LARS2: variants seen among roughly 807,000 people sequenced by gnomAD.
LARS2 encodes leucyl-tRNA synthetase 2, mitochondrial.
A neutral mutation model predicts 116.6 loss-of-function variants in LARS2; 81 were observed. That is an observed-to-expected ratio of 0.69 (90% CI 0.58 to 0.84). The LOEUF is 0.84. Among genes scored for constraint, LARS2 ranks in the 40% least tolerant of loss-of-function variants. The probability of loss-of-function intolerance (pLI) is 0.00; values close to 1 mark genes in which losing one functional copy is unlikely to be tolerated. For synonymous variants in LARS2, 396 were observed against 407.2 expected (o/e 0.97, Z 0.33); for missense variants, 968 against 1,114.5 (o/e 0.87, Z 1.87).
At chr3:45,460,081 A>G (rs1699289018) in intron 8 of LARS2, among the ~76,000 whole-genome samples, 1 of 152,254 alleles carries the variant, frequency 6.6e-6, no homozygotes, top group East Asian at 1.9e-4. Flanking sequence ...CCAACTCACA[A>G]TACCAATGCC....
At chr3:45,463,959 G>A (rs1699378719) in intron 8 of LARS2, among the ~76,000 whole-genome samples, 1 of 152,168 alleles carries the variant, frequency 6.6e-6, no homozygotes, top group South Asian at 2.1e-4. Flanking sequence ...CCCTCCAGAT[G>A]TGCAGGAAAC....
At chr3:45,435,317 C>T (rs1698780542) in intron 6 of LARS2, among the ~76,000 whole-genome samples, 1 of 152,228 alleles carries the variant, frequency 6.6e-6, no homozygotes, top group East Asian at 1.9e-4. Context: ...TTCACTAACG[C>T]CCAATAGGGC....
At chr3:45,397,656 T>C (rs1575227715) in intron 3 of LARS2, among the ~76,000 whole-genome samples, 2 of 152,180 alleles carry the variant, frequency 1.3e-5, no homozygotes, top group Admixed American at 1.3e-4. Context: ...TAGAAACAGC[T>C]TAGATCAAGG....
Position 45,431,383 on chromosome 3 carries a change from A to G in LARS2, c.516+11654A>G, listed in dbSNP as rs533546162. ...TAAAAAAATTATTAACCTAAAAGCT[A>G]TTCTTGCAACTTTGGTTTGAAACTC... On this transcript the variant is annotated intron_variant, in intron 6 of 21. Transcript: ENST00000645846. Among the ~76,000 whole-genome samples the G allele has an allele frequency of 6.6e-5, 10 of 152,352 alleles. No homozygotes were observed. In the South Asian group the frequency reaches 1.9e-3, roughly 28 times the overall value.
At chr3:45,419,755 G>A (rs748743026) in intron 6 of LARS2, 26 bp downstream of exon 6, 1 of 1,593,726 alleles carries the variant, frequency 6.3e-7, no homozygotes, top group Non-Finnish European at 8.6e-7. Flanking sequence ...TTCCTGAAAG[G>A]TCGTCATTTT....
At chr3:45,432,069 G>C (rs1222409680) in intron 6 of LARS2, among the ~76,000 whole-genome samples, 1 of 152,144 alleles carries the variant, frequency 6.6e-6, no homozygotes, top group East Asian at 1.9e-4. Flanking sequence ...AAAAGACAAA[G>C]AAGAGCATTA....
intron 4 of LARS2, among the ~76,000 whole-genome samples, chr3:45,411,451 T>C (rs1698330006): frequency 6.6e-6 from 1 of 152,212 alleles, no homozygotes. Flanking sequence ...AGGTAAGGAT[T>C]AGGCAGCTTT....
intron 8 of LARS2, among the ~76,000 whole-genome samples, chr3:45,470,911 T>C (rs2125716339): frequency 6.6e-6 from 1 of 151,910 alleles, no homozygotes; most frequent in African/African-American, 2.4e-5. Flanking sequence ...TCCCAGGTTT[T>C]TGGATTCTGT....
At chr3:45,461,551 C>A (rs2125711628) in intron 8 of LARS2, among the ~76,000 whole-genome samples, 1 of 152,092 alleles carries the variant, frequency 6.6e-6, no homozygotes, top group East Asian at 1.9e-4. Context: ...CCATAGGAAA[C>A]CACTAAAGGA....
intron 2 of LARS2, 141 bp from the exon 3 acceptor site, chr3:45,394,292 A>G: frequency 1.7e-6 from 1 of 599,936 alleles, no homozygotes; most frequent in Non-Finnish European, 3.0e-6. Context: ...TTGAATTGCT[A>G]AAGTATTCTT....
intron 13 of LARS2, 140 bp downstream of exon 13, chr3:45,491,940 T>C (rs1221590783): frequency 3.8e-6 from 3 of 796,426 alleles, no homozygotes; most frequent in Non-Finnish European, 5.9e-6. Flanking sequence ...ACACTGTGGG[T>C]CTTTGGGGCC....
intron 8 of LARS2, among the ~76,000 whole-genome samples, chr3:45,468,303 C>A (rs1434061633): frequency 6.6e-6 from 1 of 151,998 alleles, no homozygotes; most frequent in Non-Finnish European, 1.5e-5. Flanking sequence ...TGGCTGTTAC[C>A]ATTTTGTTTT....
chr3:45,523,309 C>T (rs1003024809), intron 19 of LARS2, among the ~76,000 whole-genome samples: 2 of 152,158 alleles, frequency 1.3e-5, no homozygotes, highest in Non-Finnish European at 2.9e-5. Context: ...CACAGTTTAA[C>T]ACCTTTGAGC....
chr3:45,531,936 G>A (rs965898247), intron 20 of LARS2, among the ~76,000 whole-genome samples: 1 of 152,096 alleles, frequency 6.6e-6, no homozygotes. Context: ...TTATTCCAAT[G>A]GCATATAATT....
intron 6 of LARS2, chr3:45,422,013 C>T (rs570569240): frequency 9.2e-5 from 14 of 152,178 alleles, no homozygotes; most frequent in African/African-American, 3.1e-4. Context: ...ACTGTAAAGT[C>T]GAAAAATTGT....
At position 45,548,991 on chromosome 3, in the gene LARS2, G is replaced by C. The variant is rs951807827; in HGVS notation, c.*1461G>C. ...AAGTGGGATACATGTGGTTCTTCTTGTTCCAGAACTTACAGTCCATGGTAG... is the reference window on the plus strand; with the variant it reads ...AAGTGGGATACATGTGGTTCTTCTTCTTCCAGAACTTACAGTCCATGGTAG... On this transcript the variant is annotated 3_prime_UTR_variant, in exon 22 of 22. Coordinates refer to ENST00000645846, the MANE Select transcript of LARS2 (RefSeq NM_015340.4). 1 of 152,164 alleles carries C rather than the reference G, an allele frequency of 6.6e-6. No individual in the cohort carries two copies. Among genetic ancestry groups the C allele is most frequent in the East Asian group, 1.9e-4 (1 of 5,194 alleles). 9.4% of individuals were successfully genotyped at this position (152,164 alleles called of 1,614,324 possible). A position where few individuals can be genotyped will look rare whatever the true frequency, so the allele number is the denominator to read the frequency against.
intron 9 of LARS2, 31 bp downstream of exon 9, chr3:45,474,381 A>G (rs1243128155): frequency 5.7e-6 from 8 of 1,403,020 alleles, no homozygotes; most frequent in Non-Finnish European, 8.0e-6. Flanking sequence ...CCAGCAATTC[A>G]TGATCACAAA....
intron 8 of LARS2, among the ~76,000 whole-genome samples, chr3:45,468,518 A>AG (rs1319608422): frequency 6.6e-6 from 1 of 152,194 alleles, no homozygotes; most frequent in Non-Finnish European, 1.5e-5. Context: ...GAGGTGACAT[A>AG]GGTGGCTCTG....
chr3:45,442,670 C>T (rs1698932727), intron 6 of LARS2, among the ~76,000 whole-genome samples: 1 of 152,096 alleles, frequency 6.6e-6, no homozygotes, highest in Non-Finnish European at 1.5e-5. Flanking sequence ...GCTTGGTGGT[C>T]GCATCATGCA....
Sources: allele counts gnomAD v4.1 joint callset (sites outside exome capture counted in the v4.1 genomes callset), GRCh38; gene constraint gnomAD v4.1.1; transcripts MANE v1.5; gene names NCBI Gene and HGNC (gene_info 2026-07-23, HGNC 2026-07-21).